The following UNK variants were observed in gnomAD, a reference collection of about 807,000 sequenced individuals.
UNK encodes unk zinc finger, also known as RING finger protein unkempt homolog.
Under a neutral mutation model 97.6 loss-of-function variants are expected in UNK, and 32 were observed. The observed-to-expected ratio is 0.33, with a 90% confidence interval of 0.25 to 0.44. The LOEUF (loss-of-function observed/expected upper bound fraction) is 0.44, where lower values mean the gene tolerates loss of function less well. Among genes scored for constraint, UNK ranks in the 20% least tolerant of loss-of-function variants. The probability of loss-of-function intolerance (pLI) is 1.00; values close to 1 mark genes in which losing one functional copy is unlikely to be tolerated. For synonymous variants in UNK, 441 were observed against 461.2 expected (o/e 0.96, Z 0.56); for missense variants, 771 against 1,098.4 (o/e 0.70, Z 4.21).
In UNK at chr17:75,822,593, C is replaced by A; in HGVS notation, c.1954C>A (p.Gln652Lys). The A allele has an allele frequency of 3.1e-6, 5 of 1,613,498 alleles. No individual in the cohort carries two copies. The highest frequency in any genetic ancestry group is 4.2e-6 in the Non-Finnish European group (5 of 1,179,824). Residue 652 changes from glutamine (Q) to lysine (K), a missense_variant, in exon 14 of 16, where the codon CAA (glutamine) becomes AAA (lysine). Transcript: ENST00000589666. ...PGAAELARLR[Q>K]ELDEANSTIK... ...GGCTGCCGAGCTGGCCCGACTTCGG[C>A]AAGAGCTGGATGAAGCCAACAGCAC...
chr17:75,792,441 G>T (rs2061770781), intron 1 of UNK: 1 of 985,258 alleles, frequency 1.0e-6, no homozygotes, highest in Non-Finnish European at 1.2e-6. Flanking sequence ...GGATGAATTT[G>T]GGTCACACTA....
intron 1 of UNK, among the ~76,000 whole-genome samples, chr17:75,808,681 T>C (rs1599377191): frequency 6.6e-6 from 1 of 152,294 alleles, no homozygotes; most frequent in Middle Eastern, 3.4e-3. Context: ...TCCAAGCCTC[T>C]GGCACCATCC....
intron 6 of UNK, 76 bp downstream of exon 6, chr17:75,813,954 G>GCAT: frequency 1.5e-6 from 2 of 1,342,750 alleles, no homozygotes; most frequent in Non-Finnish European, 2.0e-6. Context: ...GGAGATGTTG[G>GCAT]CAGAACCCAT....
intron 1 of UNK, among the ~76,000 whole-genome samples, chr17:75,804,445 AC>A (rs1324221083): frequency 2.6e-5 from 4 of 151,928 alleles, no homozygotes; most frequent in Non-Finnish European, 5.9e-5. Context: ...ACAGAGTGAG[AC>A]TCCATCTAAA....
At chr17:75,813,432 C>T (rs1216538336) in intron 5 of UNK, among the ~76,000 whole-genome samples, 1 of 152,188 alleles carries the variant, frequency 6.6e-6, no homozygotes, top group East Asian at 1.9e-4. Flanking sequence ...CAGACCGTCT[C>T]TGAGGCTCCA....
chr17:75,797,834 A>T (rs955172159), intron 1 of UNK, among the ~76,000 whole-genome samples: 1 of 152,074 alleles, frequency 6.6e-6, no homozygotes, highest in Non-Finnish European at 1.5e-5. Flanking sequence ...TTGGGCTTAC[A>T]TCTTGCTGTT....
At position 75,815,120 on chromosome 17, in the gene UNK, G is replaced by A. The variant is rs1291757673; in HGVS notation, c.877-49G>A. Reference sequence around the variant, plus strand: ...ATGCTGGAGGAAGGGGAGCCTGCCCGGCCTTCCCTCAGGGCCTGAGCCTGA... The same window carrying A: ...ATGCTGGAGGAAGGGGAGCCTGCCCAGCCTTCCCTCAGGGCCTGAGCCTGA... On this transcript the variant is annotated intron_variant, in intron 6 of 15. Coordinates refer to ENST00000589666, the MANE Select transcript of UNK (RefSeq NM_001080419.3). 9 of 1,563,964 alleles carry A rather than the reference G, an allele frequency of 5.8e-6. No homozygotes were observed. The East Asian group carries it at 9.0e-5, about 16-fold the overall frequency.
rs1024098599 is a variant in UNK at position 75,813,231 on chromosome 17, G to C, written c.758+18G>C. ...AAATACAGGTCCTTAGGCCCCAGGA[G>C]GCCAGCCACGGGAGGGAGGAGTGGC... On this transcript the variant is annotated intron_variant, in intron 5 of 15. Coordinates refer to ENST00000589666, the MANE Select transcript of UNK (RefSeq NM_001080419.3). 2.6e-6 allele frequency: 4 copies of C among 1,563,536 alleles called. No homozygotes were observed. Among genetic ancestry groups the C allele is most frequent in the Non-Finnish European group, 3.5e-6 (4 of 1,155,280 alleles).
chr17:75,798,997 C>T (rs1268768044), intron 1 of UNK, among the ~76,000 whole-genome samples: 6 of 151,164 alleles, frequency 4.0e-5, no homozygotes, highest in Admixed American at 1.3e-4. Context: ...ACCCAGGAGG[C>T]GGAGCTTGCA....
chr17:75,801,673 A>G lies in UNK; in HGVS notation c.105-8087A>G, dbSNP rs1199777460. ...GCGATTCTCCTGCCTCAGCCTCCTG[A>G]GTAGCTGGGACTACAGGCGCCCGCC... On this transcript the variant is annotated intron_variant, in intron 1 of 15. Coordinates refer to ENST00000589666, the MANE Select transcript of UNK (RefSeq NM_001080419.3). Among the ~76,000 whole-genome samples, 13 of 151,336 alleles carry G rather than the reference A, an allele frequency of 8.6e-5. 1 individual carries two copies. The highest frequency in any genetic ancestry group is 8.6e-4 in the Admixed American group (13 of 15,188).
In UNK at chr17:75,824,005, C is replaced by A. The variant is rs1163964809; in HGVS notation, c.2278-257C>A. On this transcript the variant is annotated intron_variant, in intron 15 of 15. Coordinates refer to ENST00000589666, the MANE Select transcript of UNK (RefSeq NM_001080419.3). This position sits in a 1 kb window ranked among gnomAD's most constrained non-coding sequence, Gnocchi z 4.9. ...AGCCCTTTCTGGGCCTCATTTTCCC[C>A]ATCTGGGGATTACAAGGTCAAATGA... is the stretch of plus-strand genomic sequence containing the variant. 6.6e-6 allele frequency among the ~76,000 whole-genome samples: 1 copy of A among 152,212 alleles called. No individual in the cohort carries two copies. Among genetic ancestry groups the A allele is most frequent in the Non-Finnish European group, 1.5e-5 (1 of 68,034 alleles).
rs571115643 is a variant in UNK, at chr17:75,817,187, C to T, written c.1105-139C>T. The T allele has an allele frequency of 5.7e-5, 62 of 1,092,704 alleles. No individual in the cohort carries two copies. The highest frequency in any genetic ancestry group is 3.8e-4 in the South Asian group (23 of 60,770). 67.7% of individuals were successfully genotyped at this position (1,092,704 alleles called of 1,614,324 possible). A position where few individuals can be genotyped will look rare whatever the true frequency, so the allele number is the denominator to read the frequency against. ...TTTCCTTCGTGAGCTTCGGGCTCCC[C>T]GAGTGGTCACTGCTGCTCGTTGGCA... On this transcript the variant is annotated intron_variant, in intron 8 of 15. Coordinates refer to ENST00000589666, the MANE Select transcript of UNK (RefSeq NM_001080419.3). This position sits in a 1 kb window ranked among gnomAD's most constrained non-coding sequence, Gnocchi z 5.8.
intron 1 of UNK, chr17:75,792,613 A>ATG: frequency 8.8e-6 from 4 of 455,644 alleles, no homozygotes; most frequent in Non-Finnish European, 1.2e-5. Context: ...ATAACTCTAT[A>ATG]GATTCACCCC....
chr17:75,803,351 C>T (rs1297314769), intron 1 of UNK, among the ~76,000 whole-genome samples: 3 of 152,110 alleles, frequency 2.0e-5, no homozygotes, highest in Non-Finnish European at 4.4e-5. Flanking sequence ...TGCAGTGAGC[C>T]TAGATCACGC....
intron 1 of UNK, among the ~76,000 whole-genome samples, chr17:75,789,136 T>A (rs2061740036): frequency 6.6e-6 from 1 of 152,174 alleles, no homozygotes; most frequent in Non-Finnish European, 1.5e-5. Context: ...TCTTGAATAA[T>A]CTTGCTTTAA....
At chr17:75,804,812 G>A (rs2061895584) in intron 1 of UNK, among the ~76,000 whole-genome samples, 1 of 152,030 alleles carries the variant, frequency 6.6e-6, no homozygotes, top group South Asian at 2.1e-4. Context: ...CTGCACTCCA[G>A]CCTGGTCAAC....
chr17:75,801,860 T>C (rs958765132), intron 1 of UNK, among the ~76,000 whole-genome samples: 4 of 151,530 alleles, frequency 2.6e-5, no homozygotes, highest in African/African-American at 9.7e-5. Context: ...GCCTTTTTTT[T>C]TTTTTTGGAG....
chr17:75,802,242 C>CTTTTTT lies in UNK; in HGVS notation c.105-7489_105-7484dup, dbSNP rs56221993. Among the ~76,000 whole-genome samples, 60 of 47,260 alleles carry CTTTTTT rather than the reference C, an allele frequency of 1.3e-3. 10 individuals are homozygous for CTTTTTT. The highest frequency in any genetic ancestry group is 0.042 in the Middle Eastern group (2 of 48). The allele number at this position is 47,260 out of a possible 152,430, so 31.0% of individuals were successfully genotyped here. On this transcript the variant is annotated intron_variant, in intron 1 of 15. Transcript: ENST00000589666. ...TGATGGATTTTTTCAGCACAGATGT[C>CTTTTTT]TTTTTTTTTTTTTTTTTTTTTTTTT...
At position 75,819,567 on chromosome 17, in the gene UNK, T is replaced by G. The variant is rs1160310149; in HGVS notation, c.1547-117T>G. 7 of 919,004 alleles carry G rather than the reference T, an allele frequency of 7.6e-6. No homozygotes were observed. Among genetic ancestry groups the G allele is most frequent in the Non-Finnish European group, 1.2e-5 (7 of 581,160 alleles). 56.9% of individuals were successfully genotyped at this position (919,004 alleles called of 1,614,324 possible). On this transcript the variant is annotated intron_variant, in intron 11 of 15. Coordinates refer to ENST00000589666, the MANE Select transcript of UNK (RefSeq NM_001080419.3). This position sits in a 1 kb window ranked among gnomAD's most constrained non-coding sequence, Gnocchi z 5.4. ...CAGCTGAAGGAAGGGCACAGGGGCT[T>G]GGGAGAATACGGACCCAGCGTAGCA...
Sources: allele counts gnomAD v4.1 joint callset (sites outside exome capture counted in the v4.1 genomes callset), GRCh38; gene constraint gnomAD v4.1.1; non-coding constraint Gnocchi (gnomAD v3.1); transcripts MANE v1.5; gene names NCBI Gene and HGNC (gene_info 2026-07-23, HGNC 2026-07-21).